Variants in GNB1L observed in about 807,000 individuals in gnomAD.
The protein encoded by GNB1L is guanine nucleotide-binding protein subunit beta-like protein 1.
GNB1L carries 20 observed loss-of-function variants against 29.1 expected under a neutral mutation model. The ratio of observed to expected loss-of-function variants is 0.69; its 90% confidence interval spans 0.48 to 1.00. The LOEUF (loss-of-function observed/expected upper bound fraction) is 1.00. Ranked by LOEUF, GNB1L falls within the 50% of genes least tolerant of loss-of-function variation. GNB1L has a pLI of 0.00. For synonymous variants in GNB1L, 193 were observed against 206.5 expected (o/e 0.93, Z 0.56); for missense variants, 421 against 464.9 (o/e 0.91, Z 0.87).
chr22:19,789,634 CACAG>C (rs1365833186), intron 7 of GNB1L, among the ~76,000 whole-genome samples: 4 of 152,070 alleles, frequency 2.6e-5, no homozygotes, highest in African/African-American at 7.2e-5. Context: ...CCCGGAGCCA[CACAG>C]ACAGGTCCTA....
chr22:19,844,866 C>T (rs905746684), intron 2 of GNB1L, among the ~76,000 whole-genome samples: 4 of 152,228 alleles, frequency 2.6e-5, no homozygotes, highest in Admixed American at 1.3e-4. Flanking sequence ...GTGACATCCC[C>T]GTGCACCAGT....
At chr22:19,823,640 G>C (rs1937596217) in intron 2 of GNB1L, among the ~76,000 whole-genome samples, 1 of 152,090 alleles carries the variant, frequency 6.6e-6, no homozygotes, top group Non-Finnish European at 1.5e-5. Flanking sequence ...AGCCTGACAG[G>C]TCACCTCTAC....
chr22:19,850,588 A>G, intron 2 of GNB1L: 1 of 1,180,314 alleles, frequency 8.5e-7, no homozygotes, highest in Non-Finnish European at 1.0e-6. Flanking sequence ...CCCACAGGAA[A>G]CATCATTCTT....
intron 4 of GNB1L, among the ~76,000 whole-genome samples, chr22:19,815,972 G>A (rs975950045): frequency 6.6e-6 from 1 of 152,154 alleles, no homozygotes; most frequent in Non-Finnish European, 1.5e-5. Flanking sequence ...GCTTCTCCCG[G>A]CCCCTCCTAG....
chr22:19,799,831 T>TGAGGCTGGG (rs1937349264), intron 7 of GNB1L, among the ~76,000 whole-genome samples: 1 of 152,196 alleles, frequency 6.6e-6, no homozygotes, highest in Non-Finnish European at 1.5e-5. Flanking sequence ...AGGCTTTCCC[T>TGAGGCTGGG]GAGGCTGGGG....
At chr22:19,814,536 A>G (rs560254756) in intron 4 of GNB1L, among the ~76,000 whole-genome samples, 1 of 152,186 alleles carries the variant, frequency 6.6e-6, no homozygotes, top group Non-Finnish European at 1.5e-5. Context: ...TTGACAGTGG[A>G]GTCAGGCAGA....
At chr22:19,799,760 C>T (rs1937348107) in intron 7 of GNB1L, among the ~76,000 whole-genome samples, 3 of 152,204 alleles carry the variant, frequency 2.0e-5, no homozygotes, top group Admixed American at 2.0e-4. Flanking sequence ...CTTCGGTCAC[C>T]TTGCTTGCTC....
intron 7 of GNB1L, among the ~76,000 whole-genome samples, chr22:19,791,734 C>T (rs758358042): frequency 2.4e-4 from 36 of 152,082 alleles, no homozygotes; most frequent in Non-Finnish European, 3.8e-4. Flanking sequence ...TCAACAGTGC[C>T]GGGGGTCCAG....
rs566432736 is a variant in GNB1L at position 19,796,514 on chromosome 22, T to C, written c.732+5487A>G. 3.9e-5 allele frequency among the ~76,000 whole-genome samples: 6 copies of C among 152,324 alleles called. No individual in the cohort carries two copies. The South Asian group carries it at 1.2e-3, about 32-fold the overall frequency. On this transcript the variant is annotated intron_variant, in intron 7 of 7. Coordinates refer to ENST00000329517, the MANE Select transcript of GNB1L (RefSeq NM_053004.3). The stretch of plus-strand genomic sequence containing the variant: ...CTTGTTCCCAGACCACAATGTTAAT[T>C]AAGTTAGAAATTGAAAACTAAAAAA...
chr22:19,848,516 G>T, intron 2 of GNB1L: 1 of 985,490 alleles, frequency 1.0e-6, no homozygotes, highest in Non-Finnish European at 1.2e-6. Context: ...GGAAGGCCAT[G>T]CCAGAGTCCA....
chr22:19,814,886 A>G (rs895199251), intron 4 of GNB1L, among the ~76,000 whole-genome samples: 2 of 152,114 alleles, frequency 1.3e-5, no homozygotes, highest in Non-Finnish European at 2.9e-5. Context: ...TGTTTTTTAA[A>G]TTAGTCAAGC....
At chr22:19,828,224 G>T (rs1337908593) in intron 2 of GNB1L, among the ~76,000 whole-genome samples, 5 of 152,090 alleles carry the variant, frequency 3.3e-5, no homozygotes, top group Non-Finnish European at 5.9e-5. Context: ...TGGGCAAAAA[G>T]GTATATGGGG....
At chr22:19,790,769 T>C (rs1168816368) in intron 7 of GNB1L, among the ~76,000 whole-genome samples, 1 of 152,194 alleles carries the variant, frequency 6.6e-6, no homozygotes, top group African/African-American at 2.4e-5. Context: ...AGGTTTATGA[T>C]TGAATTTCAA....
At chr22:19,851,678 G>C (rs766745486) in intron 2 of GNB1L, 3 of 1,596,592 alleles carry the variant, frequency 1.9e-6, no homozygotes, top group Admixed American at 3.4e-5. Flanking sequence ...CAGGGGCAGG[G>C]GACAGGTAAC....
intron 7 of GNB1L, among the ~76,000 whole-genome samples, chr22:19,797,050 T>C (rs1179042541): frequency 1.3e-5 from 2 of 151,996 alleles, no homozygotes; most frequent in Middle Eastern, 3.2e-3. Flanking sequence ...CTAGAAAAAT[T>C]CCCCAAATCA....
intron 2 of GNB1L, chr22:19,846,336 T>G (rs1395916123): frequency 8.8e-6 from 7 of 794,596 alleles, no homozygotes; most frequent in African/African-American, 1.9e-5. Flanking sequence ...GATAATGCCT[T>G]TGTACCCCCC....
At chr22:19,831,405 C>T (rs1937678108) in intron 2 of GNB1L, among the ~76,000 whole-genome samples, 1 of 147,400 alleles carries the variant, frequency 6.8e-6, no homozygotes, top group Non-Finnish European at 1.5e-5. Flanking sequence ...ATAATTCTGA[C>T]TATAGAAAAA....
rs143002326 is a variant in GNB1L, at chr22:19,851,496, C to T, written c.-21+2947G>A. 9.0e-4 allele frequency: 1,448 copies of T among 1,614,116 alleles called. 8 individuals carry two copies. In the African/African-American group the frequency reaches 0.016, roughly 18 times the overall value. On this transcript the variant is annotated intron_variant, in intron 2 of 7. Transcript: ENST00000329517. ...GTGCTCTCCTTGGTCAGCTGCTGCTCGAACAGAGCACTTCTAGATACAGAG... is the reference window on the plus strand; with the variant it reads ...GTGCTCTCCTTGGTCAGCTGCTGCTTGAACAGAGCACTTCTAGATACAGAG...
chr22:19,841,354 T>C (rs1441108455), intron 2 of GNB1L, among the ~76,000 whole-genome samples: 1 of 152,236 alleles, frequency 6.6e-6, no homozygotes, highest in Non-Finnish European at 1.5e-5. Flanking sequence ...CACTAATGTA[T>C]TATGAAACTT....
Sources: gnomAD v4.1 joint callset for allele counts (sites outside exome capture counted in the v4.1 genomes callset) on GRCh38, gnomAD v4.1.1 for gene constraint, MANE v1.5 for transcripts, NCBI Gene and HGNC (gene_info 2026-07-23, HGNC 2026-07-21) for gene names.